The following PDE11A variants were observed in gnomAD, a reference collection of about 807,000 sequenced individuals.
PDE11A encodes the protein dual 3',5'-cyclic-AMP and -GMP phosphodiesterase 11A.
In PDE11A, 100 loss-of-function variants were observed where a neutral mutation model predicts 100.5. The ratio of observed to expected loss-of-function variants is 1.00; its 90% confidence interval spans 0.85 to 1.18. The LOEUF (loss-of-function observed/expected upper bound fraction) is 1.18. Ranked by LOEUF, PDE11A falls within the 50% of genes most tolerant of loss-of-function variation. The probability of loss-of-function intolerance (pLI) is 0.00; values close to 1 mark genes in which losing one functional copy is unlikely to be tolerated. For synonymous variants in PDE11A, 381 were observed against 420.8 expected, an observed-to-expected ratio of 0.91 and a Z score of 1.16; for missense variants, 1,141 against 1,152.6, an observed-to-expected ratio of 0.99 and a Z score of 0.15.
At chr2:177,890,225 T>C (rs186915592) in intron 4 of PDE11A, among the ~76,000 whole-genome samples, 1 of 152,282 alleles carries the variant, frequency 6.6e-6, no homozygotes, top group East Asian at 1.9e-4. Flanking sequence ...CAGGGTGACT[T>C]GCCATTTGTG....
intron 4 of PDE11A, among the ~76,000 whole-genome samples, chr2:177,894,252 G>C (rs2084575383): frequency 6.6e-6 from 1 of 152,140 alleles, no homozygotes; most frequent in African/African-American, 2.4e-5. Context: ...CCTAGTGTTG[G>C]TAAGTTTTCT....
At chr2:177,887,063 A>AT (rs1297803597) in intron 4 of PDE11A, among the ~76,000 whole-genome samples, 2 of 152,246 alleles carry the variant, frequency 1.3e-5, no homozygotes, top group African/African-American at 4.8e-5. Context: ...GCTTGGTGTA[A>AT]TATTACTACA....
intron 1 of PDE11A, among the ~76,000 whole-genome samples, chr2:178,032,420 G>T (rs1285955420): frequency 6.6e-6 from 1 of 151,588 alleles, no homozygotes; most frequent in African/African-American, 2.4e-5. Context: ...GGAGGCAGAG[G>T]TTGCAGTGAA....
At chr2:177,889,341 C>T (rs1327665101) in intron 4 of PDE11A, among the ~76,000 whole-genome samples, 1 of 152,166 alleles carries the variant, frequency 6.6e-6, no homozygotes, top group Non-Finnish European at 1.5e-5. Context: ...CTTTTTTCAA[C>T]ATCTTTGAAG....
At chr2:178,042,847 C>A (rs1045974623) in intron 1 of PDE11A, among the ~76,000 whole-genome samples, 1 of 152,082 alleles carries the variant, frequency 6.6e-6, no homozygotes, top group Admixed American at 6.6e-5. Context: ...CACTTAGGGG[C>A]AAGAGCGCTT....
intron 2 of PDE11A, among the ~76,000 whole-genome samples, chr2:177,968,946 C>T (rs1036481916): frequency 6.6e-6 from 1 of 152,184 alleles, no homozygotes; most frequent in Admixed American, 6.5e-5. Flanking sequence ...ATAAATCATT[C>T]TACTATAAGA....
intron 1 of PDE11A, among the ~76,000 whole-genome samples, chr2:178,043,464 G>C (rs1223910512): frequency 6.6e-6 from 1 of 152,120 alleles, no homozygotes; most frequent in East Asian, 1.9e-4. Context: ...CATAACTTTG[G>C]CTTTGAATCT....
chr2:177,928,131 T>C (rs989450091), intron 2 of PDE11A, among the ~76,000 whole-genome samples: 1 of 136,290 alleles, frequency 7.3e-6, no homozygotes, highest in African/African-American at 2.8e-5. Context: ...AAAAAAGCCA[T>C]GAGATAGAGG....
intron 2 of PDE11A, among the ~76,000 whole-genome samples, chr2:177,946,603 T>C (rs1574299772): frequency 2.4e-5 from 2 of 82,722 alleles, no homozygotes; most frequent in African/African-American, 4.6e-5. Context: ...GGAGCCCCTC[T>C]GCCCGGCCAG....
chr2:177,938,218 G>T (rs892248153), intron 2 of PDE11A, among the ~76,000 whole-genome samples: 3 of 152,244 alleles, frequency 2.0e-5, no homozygotes, highest in African/African-American at 7.2e-5. Context: ...TGCTTAGGAT[G>T]CCTCCAAAAG....
In PDE11A at chr2:178,037,910, T is replaced by C. The variant is rs1487025873; in HGVS notation, c.913-23450A>G. Among the ~76,000 whole-genome samples the C allele has an allele frequency of 7.3e-5, 11 of 151,720 alleles. No homozygotes were observed. The East Asian group carries it at 2.1e-3, about 29-fold the overall frequency. Reference sequence around the variant, plus strand: ...AGGGAAGGGAGAGCATTAGGACAAATATCTAATGCATGGGGGGCTTAAAAG... The same window carrying C: ...AGGGAAGGGAGAGCATTAGGACAAACATCTAATGCATGGGGGGCTTAAAAG... On this transcript the variant is annotated intron_variant, in intron 1 of 19. Transcript: ENST00000286063.
chr2:177,724,333 T>A (rs900995928), intron 12 of PDE11A, among the ~76,000 whole-genome samples: 1 of 151,994 alleles, frequency 6.6e-6, no homozygotes, highest in African/African-American at 2.4e-5. Flanking sequence ...TTTTTTTTTT[T>A]AATTTCTAAA....
At chr2:177,900,537 C>G (rs2105730421) in intron 3 of PDE11A, among the ~76,000 whole-genome samples, 1 of 152,312 alleles carries the variant, frequency 6.6e-6, no homozygotes, top group South Asian at 2.1e-4. Flanking sequence ...AGGCAGATCA[C>G]ATGAGGCCAT....
At chr2:177,869,251 G>C (rs116074651) in intron 5 of PDE11A, among the ~76,000 whole-genome samples, 12 of 152,292 alleles carry the variant, frequency 7.9e-5, no homozygotes, top group African/African-American at 2.4e-4. Flanking sequence ...TCATCATGAC[G>C]TGCTGGATTT....
intron 10 of PDE11A, among the ~76,000 whole-genome samples, chr2:177,754,782 T>C (rs186798742): frequency 1.1e-4 from 16 of 152,358 alleles, no homozygotes; most frequent in African/African-American, 1.7e-4. Flanking sequence ...TGGATACAAG[T>C]AACTGCTTTT....
rs547889409 is a variant in PDE11A, at chr2:177,878,517, G to A, written c.1303-2594C>T. 5.9e-5 allele frequency among the ~76,000 whole-genome samples: 9 copies of A among 152,266 alleles called. No individual in the cohort carries two copies. In the East Asian group the frequency reaches 1.7e-3, roughly 29 times the overall value. ...CTACCCTCAGGCCACTATGCTGAAA[G>A]GGAGCCAAACCACATAGAGAGGACA... On this transcript the variant is annotated intron_variant, in intron 4 of 19. Coordinates refer to ENST00000286063, the MANE Select transcript of PDE11A (RefSeq NM_016953.4).
At chr2:178,023,725 T>C (rs1042064252) in intron 1 of PDE11A, among the ~76,000 whole-genome samples, 10 of 152,228 alleles carry the variant, frequency 6.6e-5, no homozygotes, top group South Asian at 2.1e-4. Flanking sequence ...AAATATGTAA[T>C]GACAAAAGCC....
chr2:177,688,083 T>C (rs1394814701), intron 15 of PDE11A: 1 of 152,276 alleles, frequency 6.6e-6, no homozygotes, highest in Non-Finnish European at 1.5e-5. Context: ...ATGTGTAGCA[T>C]AAACCTTTGG....
In PDE11A at chr2:177,660,670, G is replaced by A. The variant is rs184377065; in HGVS notation, c.2646+3196C>T. On this transcript the variant is annotated intron_variant, in intron 19 of 19. Transcript: ENST00000286063. ...ATGCACTGGGCATCCAAAATATACC[G>A]GTGCAGGTGCCAATTAGGCACATAA... is the stretch of plus-strand genomic sequence containing the variant. Among the ~76,000 whole-genome samples, 4 of 152,164 alleles carry A rather than the reference G, an allele frequency of 2.6e-5. No homozygotes were observed. In the East Asian group the frequency reaches 7.7e-4, roughly 29 times the overall value.
Sources: gnomAD v4.1 joint callset for allele counts (sites outside exome capture counted in the v4.1 genomes callset) on GRCh38, gnomAD v4.1.1 for gene constraint, MANE v1.5 for transcripts, NCBI Gene and HGNC (gene_info 2026-07-23, HGNC 2026-07-21) for gene names.